Variants in FRY observed in about 807,000 individuals in gnomAD.
FRY encodes the protein protein furry homolog.
Under a neutral mutation model 348.4 loss-of-function variants are expected in FRY, and 128 were observed. That is an observed-to-expected ratio of 0.37 (90% CI 0.32 to 0.43). The LOEUF (loss-of-function observed/expected upper bound fraction) is 0.43. Among genes scored for constraint, FRY ranks in the 20% least tolerant of loss-of-function variants. The probability of loss-of-function intolerance (pLI) is 1.00; values close to 1 mark genes in which losing one functional copy is unlikely to be tolerated. For missense variants in FRY, 2,736 were observed against 3,695.2 expected (o/e 0.74, Z 6.73); for synonymous variants, 1,370 against 1,374.7 (o/e 1.00, Z 0.08).
At chr13:32,269,561 A>C (rs1041084539) in intron 55 of FRY, among the ~76,000 whole-genome samples, 1 of 152,116 alleles carries the variant, frequency 6.6e-6, no homozygotes, top group Non-Finnish European at 1.5e-5. Flanking sequence ...GTGATGGGGC[A>C]CATACCTGTA....
intron 5 of FRY, 34 bp from the exon 6 acceptor site, chr13:32,124,568 C>G (rs1267114220): frequency 1.6e-6 from 2 of 1,235,936 alleles, no homozygotes; most frequent in African/African-American, 1.5e-5. Flanking sequence ...CTTTAATATT[C>G]CCTTCTGAGT....
intron 48 of FRY, among the ~76,000 whole-genome samples, chr13:32,248,701 A>G (rs1363107330): frequency 1.3e-5 from 2 of 152,216 alleles, no homozygotes; most frequent in Non-Finnish European, 2.9e-5. Context: ...ATCTATATTT[A>G]ATATGTAAAT....
chr13:32,274,812 T>G (rs1888437881), intron 55 of FRY, 30 bp from the exon 56 acceptor site: 1 of 1,590,172 alleles, frequency 6.3e-7, no homozygotes, highest in Non-Finnish European at 8.6e-7. Context: ...TAACTTGACC[T>G]TTACAAATGG....
intron 1 of FRY, among the ~76,000 whole-genome samples, chr13:32,044,789 G>A (rs527798363): frequency 5.9e-5 from 9 of 152,202 alleles, no homozygotes; most frequent in Non-Finnish European, 1.2e-4. Context: ...CACCCTGATA[G>A]ACTTGCTGCT....
At chr13:32,228,348 A>G (rs1040020991) in intron 39 of FRY, 108 bp from the exon 40 acceptor site, 42 of 863,286 alleles carry the variant, frequency 4.9e-5, no homozygotes, top group African/African-American at 8.2e-5. Flanking sequence ...TTTTCTCCCC[A>G]GAATTTAAAT....
intron 40 of FRY, 70 bp from the exon 41 acceptor site, chr13:32,231,109 G>A (rs1885887078): frequency 2.2e-6 from 3 of 1,344,464 alleles, no homozygotes; most frequent in Admixed American, 1.7e-5. Context: ...TTGGAGTCAG[G>A]ACTGTATGTG....
chr13:32,178,592 T>C (rs1224233654), intron 21 of FRY, among the ~76,000 whole-genome samples, 156 bp downstream of exon 21: 1 of 152,230 alleles, frequency 6.6e-6, no homozygotes, highest in Non-Finnish European at 1.5e-5. Context: ...AAAAATTTTG[T>C]CTAAAGCTAG....
chr13:32,032,023 TTTTCTTTC>T (rs549538025), intron 1 of FRY, among the ~76,000 whole-genome samples, 158 bp downstream of exon 1: 2 of 134,044 alleles, frequency 1.5e-5, no homozygotes, highest in Non-Finnish European at 1.6e-5. Flanking sequence ...CTTTCTTTCT[TTTTCTTTC>T]TTTCTTTCTT....
chr13:32,270,540 A>G (rs187712674), intron 55 of FRY, among the ~76,000 whole-genome samples: 2 of 152,322 alleles, frequency 1.3e-5, no homozygotes, highest in Admixed American at 1.3e-4. Flanking sequence ...GATTAATAAT[A>G]TATATTTAAG....
chr13:32,187,004 A>G (rs567540862), intron 27 of FRY, among the ~76,000 whole-genome samples: 1 of 152,240 alleles, frequency 6.6e-6, no homozygotes, highest in African/African-American at 2.4e-5. Context: ...CTCTTCTCCT[A>G]CTTTCCCTTG....
rs1043490012 is a variant in FRY at position 32,185,697 on chromosome 13, A to G, written c.3319+549A>G. Among the ~76,000 whole-genome samples, 16 of 152,246 alleles carry G rather than the reference A, an allele frequency of 1.1e-4. 1 individual carries two copies. Among genetic ancestry groups the G allele is most frequent in the African/African-American group, 3.4e-4 (14 of 41,472 alleles). On this transcript the variant is annotated intron_variant, in intron 26 of 60. Transcript: ENST00000542859. ...AAATAAAATATCTGGTTAGTTTGCT[A>G]TAAAAAATTATTCTAATTAAATTTT... is the stretch of plus-strand genomic sequence containing the variant.
intron 2 of FRY, among the ~76,000 whole-genome samples, chr13:32,080,911 A>G (rs1031089684): frequency 6.6e-6 from 1 of 152,240 alleles, no homozygotes; most frequent in Admixed American, 6.5e-5. Flanking sequence ...AAAAGTTCAA[A>G]GAGATGCTTA....
chr13:32,274,605 G>A (rs557908128), intron 55 of FRY, among the ~76,000 whole-genome samples: 67 of 150,020 alleles, frequency 4.5e-4, no homozygotes, highest in Non-Finnish European at 1.2e-4. Context: ...TCGGGAGGCT[G>A]AGGCAGGAGA....
Position 32,298,902 on chromosome 13 carries a change from T to C in FRY, c.*3442T>C, listed in dbSNP as rs1386584841. Reference sequence around the variant, plus strand: ...GGACTTTGTCCCTTGCTGAGCAAGATGGGAAGCCACTGAATGTTTGCGGGC... The same window carrying C: ...GGACTTTGTCCCTTGCTGAGCAAGACGGGAAGCCACTGAATGTTTGCGGGC... On this transcript the variant is annotated 3_prime_UTR_variant, in exon 61 of 61. Coordinates refer to ENST00000542859, the MANE Select transcript of FRY (RefSeq NM_023037.3). 1 of 152,188 alleles carries C rather than the reference T, an allele frequency of 6.6e-6. No individual in the cohort carries two copies. The highest frequency in any genetic ancestry group is 1.5e-5 in the Non-Finnish European group (1 of 68,038). 9.4% of individuals were successfully genotyped at this position (152,188 alleles called of 1,614,324 possible). A position where few individuals can be genotyped will look rare whatever the true frequency, so the allele number is the denominator to read the frequency against.
chr13:32,119,869 T>C (rs1461703667), intron 4 of FRY, among the ~76,000 whole-genome samples: 4 of 152,242 alleles, frequency 2.6e-5, no homozygotes, highest in African/African-American at 4.8e-5. Flanking sequence ...TCCTACTCTG[T>C]TGATACATTT....
At position 32,239,186 on chromosome 13, in the gene FRY, C is replaced by T; in HGVS notation, c.6419-66C>T. On this transcript the variant is annotated intron_variant, in intron 44 of 60. Coordinates refer to ENST00000542859, the MANE Select transcript of FRY (RefSeq NM_023037.3). This position sits in a 1 kb window ranked among gnomAD's most constrained non-coding sequence, Gnocchi z 4.3. ...CTCAGTATAAAAATCTGTAACATGC[C>T]TTCCCACTGTTAACAGCTAAAATAT... 2 of 1,003,088 alleles carry T rather than the reference C, an allele frequency of 2.0e-6. No homozygotes were observed. Among genetic ancestry groups the T allele is most frequent in the Admixed American group, 3.4e-5 (2 of 59,274 alleles). 62.1% of individuals were successfully genotyped at this position (1,003,088 alleles called of 1,614,324 possible).
chr13:32,209,774 G>A, intron 33 of FRY, 43 bp downstream of exon 33: 1 of 1,598,030 alleles, frequency 6.3e-7, no homozygotes, highest in South Asian at 1.1e-5. Context: ...TTCCTGCAGG[G>A]ACTCCCATGT....
chr13:32,134,584 T>C (rs1879583272), intron 8 of FRY, among the ~76,000 whole-genome samples: 1 of 152,188 alleles, frequency 6.6e-6, no homozygotes, highest in South Asian at 2.1e-4. Flanking sequence ...AGAAATGTAT[T>C]GGAAGTGAAT....
intron 36 of FRY, among the ~76,000 whole-genome samples, chr13:32,221,584 C>T (rs927615560): frequency 6.6e-6 from 1 of 152,234 alleles, no homozygotes; most frequent in African/African-American, 2.4e-5. Context: ...ACGATCTTGG[C>T]TCACTGCAGC....
Sources: allele counts gnomAD v4.1 joint callset (sites outside exome capture counted in the v4.1 genomes callset), GRCh38; gene constraint gnomAD v4.1.1; non-coding constraint Gnocchi (gnomAD v3.1); transcripts MANE v1.5; gene names NCBI Gene and HGNC (gene_info 2026-07-23, HGNC 2026-07-21).